Variants in TSHZ1 observed in about 807,000 individuals in gnomAD.
The protein encoded by TSHZ1 is teashirt zinc finger homeobox 1, also known as teashirt homolog 1.
TSHZ1 carries 12 observed loss-of-function variants against 67.1 expected under a neutral mutation model. That is an observed-to-expected ratio of 0.18 (90% confidence interval 0.11 to 0.29). The LOEUF (loss-of-function observed/expected upper bound fraction) is 0.29. Ranked by LOEUF, TSHZ1 falls within the 10% of genes least tolerant of loss-of-function variation. The probability of loss-of-function intolerance (pLI) is 1.00; values close to 1 mark genes in which losing one functional copy is unlikely to be tolerated. For synonymous variants in TSHZ1, 632 were observed against 622.4 expected (o/e 1.02, Z -0.23); for missense variants, 1,305 against 1,413.9 (o/e 0.92, Z 1.23).
chr18:75,225,744 T>G (rs1421233003), intron 1 of TSHZ1, among the ~76,000 whole-genome samples: 1 of 152,094 alleles, frequency 6.6e-6, no homozygotes, highest in Non-Finnish European at 1.5e-5. Context: ...TATATCTCGG[T>G]GGCGGGTTTT....
At chr18:75,217,378 A>G (rs1375028040) in intron 1 of TSHZ1, among the ~76,000 whole-genome samples, 2 of 151,440 alleles carry the variant, frequency 1.3e-5, no homozygotes, top group Non-Finnish European at 2.9e-5. Context: ...CCCCTCCTCC[A>G]AGGGTTTTTT....
chr18:75,235,794 G>T (rs376097207), intron 1 of TSHZ1, among the ~76,000 whole-genome samples: 2 of 152,156 alleles, frequency 1.3e-5, no homozygotes, highest in Non-Finnish European at 2.9e-5. Context: ...CATCTCAGCC[G>T]TCTCCTCCTC....
rs1461339256 is a variant in TSHZ1, at chr18:75,281,607, GGGTTGTGGAGAA to G, written c.41-3837_41-3826del. 6.6e-6 allele frequency among the ~76,000 whole-genome samples: 1 copy of G among 152,162 alleles called. No homozygotes were observed. The highest frequency in any genetic ancestry group is 6.5e-5 in the Admixed American group (1 of 15,286). The stretch of plus-strand genomic sequence containing the variant: ...ATGGCTGTGGTCGGCACAGGCCCTG[GGGTTGTGGAGAA>G]GGTGAGATTGGCCAGAGAGAGGCTG... On this transcript the variant is annotated intron_variant, in intron 1 of 1. Coordinates refer to ENST00000580243, the MANE Select transcript of TSHZ1 (RefSeq NM_001308210.2). This position sits in a 1 kb window ranked among gnomAD's most constrained non-coding sequence, Gnocchi z 5.3.
At chr18:75,248,659 C>T (rs2023253865) in intron 1 of TSHZ1, among the ~76,000 whole-genome samples, 2 of 152,154 alleles carry the variant, frequency 1.3e-5, no homozygotes, top group Admixed American at 1.3e-4. Flanking sequence ...AATTTTTCCC[C>T]TCATTTGGAA....
At position 75,211,739 on chromosome 18, in the gene TSHZ1, C is replaced by CGCCCGGA. The variant is rs1239019000; in HGVS notation, c.-125_-119dup. ...GAGCGGCTCCCCGCGGTCCGCGGCG[C>CGCCCGGA]GCCCGGAGCCCGGAGCCCGCGGGGA... On this transcript the variant is annotated 5_prime_UTR_variant, in exon 1 of 2. The change abolishes the stop of an existing upstream ORF in the 5' untranslated region. Transcript: ENST00000580243. The CGCCCGGA allele has an allele frequency of 5.2e-6, 2 of 383,892 alleles. No individual in the cohort carries two copies. Among genetic ancestry groups the CGCCCGGA allele is most frequent in the Non-Finnish European group, 3.5e-6 (1 of 283,210 alleles). 23.8% of individuals were successfully genotyped at this position (383,892 alleles called of 1,614,324 possible).
rs761158983 is a variant in TSHZ1, at chr18:75,286,181, G to A, written c.774G>A (p.Leu258=). 1.2e-6 allele frequency: 2 copies of A among 1,614,106 alleles called. No individual in the cohort carries two copies. Among genetic ancestry groups the A allele is most frequent in the Non-Finnish European group, 1.7e-6 (2 of 1,180,008 alleles). Reference sequence around the variant, plus strand: ...ACTGCAGTGCCGCGTACGACACGCTGGTGGAACTGACGGTGCACATGAACG... The same window carrying A: ...ACTGCAGTGCCGCGTACGACACGCTAGTGGAACTGACGGTGCACATGAACG... ...CKDCSAAYDT[L]VELTVHMNET... Residue 258 remains leucine (L), a synonymous_variant, in exon 2 of 2, where the codon CTG becomes CTA. Transcript: ENST00000580243. The surrounding 1 kb of genome is among the most constrained non-coding windows in gnomAD (Gnocchi z 5.1).
Position 75,286,964 on chromosome 18 carries a change from G to A in TSHZ1, c.1557G>A (p.Glu519=), listed in dbSNP as rs772291505. The A allele has an allele frequency of 6.2e-7, 1 of 1,614,038 alleles. No homozygotes were observed. Among genetic ancestry groups the A allele is most frequent in the Non-Finnish European group, 8.5e-7 (1 of 1,180,042 alleles). ...VAGDAEKIKE[E]SEDSLEKFEP... is the part of the protein sequence containing the mutation. ...GCGACGCGGAGAAGATCAAGGAGGA[G>A]AGTGAGGACAGCTTGGAGAAATTTG... The change falls in exon 2 of 2, where the codon GAG becomes GAA. Residue 519 remains glutamate, a synonymous_variant. Coordinates refer to ENST00000580243, the MANE Select transcript of TSHZ1 (RefSeq NM_001308210.2). This position sits in a 1 kb window ranked among gnomAD's most constrained non-coding sequence, Gnocchi z 5.1.
Position 75,287,959 on chromosome 18 carries a change from T to C in TSHZ1, c.2552T>C (p.Leu851Pro). The C allele has an allele frequency of 6.2e-7, 1 of 1,614,196 alleles. No homozygotes were observed. The highest frequency in any genetic ancestry group is 8.5e-7 in the Non-Finnish European group (1 of 1,180,046). ...ATGGTGAAAAACCTCACAGGCCGCC[T>C]GACGCCCAAGTCCTCCACGCCCTCC... is the stretch of plus-strand genomic sequence containing the variant. ...SDMVKNLTGR[L>P]TPKSSTPSTV... The change falls in exon 2 of 2, where the codon CTG becomes CCG. Residue 851 changes from leucine (L) to proline (P), a missense_variant. By Grantham distance (98) the Leu-to-Pro change is moderately conservative (BLOSUM62 -3). Around this residue, in one of 3 missense-constraint regions of TSHZ1, gnomAD observed 909 missense variants for 961.8 expected, o/e 0.95. Transcript: ENST00000580243. The surrounding 1 kb of genome is among the most constrained non-coding windows in gnomAD (Gnocchi z 5.0).
In TSHZ1 at chr18:75,281,515, C is replaced by CCTA. The variant is rs2023684587; in HGVS notation, c.41-3932_41-3931insTAC. ...TACATGGGGCCAGGCCCTGAAAGCA[C>CCTA]CATGGGGGTGGCATGACAGGCGTCC... On this transcript the variant is annotated intron_variant, in intron 1 of 1. Transcript: ENST00000580243. This position sits in a 1 kb window ranked among gnomAD's most constrained non-coding sequence, Gnocchi z 5.3. 6.6e-6 allele frequency among the ~76,000 whole-genome samples: 1 copy of CCTA among 152,048 alleles called. No individual in the cohort carries two copies. The highest frequency in any genetic ancestry group is 2.4e-5 in the African/African-American group (1 of 41,380).
In TSHZ1 at chr18:75,288,318, T is replaced by C; in HGVS notation, c.2911T>C (p.Phe971Leu). ...CCTGGACACAGGGCATCCTGTTTTC[T>C]TTTGCAACGATTGTGCCTCTCAGTT... ...KNLDTGHPVF[F>L]CNDCASQFRT... Residue 971 changes from phenylalanine to leucine, a missense_variant, in exon 2 of 2, where the codon TTT (phenylalanine) becomes CTT (leucine). Physicochemically the swap from Phe to Leu is conservative, Grantham distance 22. This residue lies in a region of TSHZ1 where 909 missense variants were observed against 961.8 expected (regional missense o/e 0.95). Transcript: ENST00000580243. The surrounding 1 kb of genome is among the most constrained non-coding windows in gnomAD (Gnocchi z 4.9). 1 of 1,614,222 alleles carries C rather than the reference T, an allele frequency of 6.2e-7. No individual in the cohort carries two copies. Among genetic ancestry groups the C allele is most frequent in the South Asian group, 1.1e-5 (1 of 91,082 alleles).
chr18:75,285,980 C>T lies in TSHZ1; in HGVS notation c.573C>T (p.Thr191=), dbSNP rs780157331. ...SSTSHSSTTS[T]SSSSGYDWHQ... ...CCAGCCACAGCAGTACCACCAGTAC[C>T]AGCAGCAGCTCCGGGTACGACTGGC... The change falls in exon 2 of 2, where the codon ACC becomes ACT. Residue 191 remains threonine, a synonymous_variant. Coordinates refer to ENST00000580243, the MANE Select transcript of TSHZ1 (RefSeq NM_001308210.2). 4 of 1,597,198 alleles carry T rather than the reference C, an allele frequency of 2.5e-6. No homozygotes were observed. The highest frequency in any genetic ancestry group is 1.7e-5 in the Admixed American group (1 of 58,146).
intron 1 of TSHZ1, among the ~76,000 whole-genome samples, chr18:75,223,848 G>A (rs1489892964): frequency 6.6e-6 from 1 of 151,980 alleles, no homozygotes; most frequent in African/African-American, 2.4e-5. Context: ...CCCCTTTATG[G>A]AGTGTTGGTA....
At chr18:75,277,519 G>A (rs1026347315) in intron 1 of TSHZ1, among the ~76,000 whole-genome samples, 2 of 152,144 alleles carry the variant, frequency 1.3e-5, no homozygotes, top group African/African-American at 2.4e-5. Flanking sequence ...GGCTTGGGAG[G>A]TGGGAGATCA....
chr18:75,258,490 C>G (rs2023390217), intron 1 of TSHZ1, among the ~76,000 whole-genome samples: 1 of 152,072 alleles, frequency 6.6e-6, no homozygotes, highest in Non-Finnish European at 1.5e-5. Context: ...AGAAACTAAG[C>G]TTTACAGGCC....
chr18:75,284,851 C>T (rs948436964), intron 1 of TSHZ1: 17 of 152,334 alleles, frequency 1.1e-4, no homozygotes, highest in African/African-American at 4.1e-4. Flanking sequence ...TGGTGAACAA[C>T]CGTGGCTTTT....
intron 1 of TSHZ1, among the ~76,000 whole-genome samples, chr18:75,273,943 C>A (rs891148084): frequency 3.3e-5 from 5 of 152,222 alleles, no homozygotes; most frequent in Non-Finnish European, 1.5e-5. Flanking sequence ...ACACTCACAC[C>A]TGTGTGCGCA....
In TSHZ1 at chr18:75,222,948, T is replaced by G. The variant is rs2022867911; in HGVS notation, c.40+11032T>G. ...AATCACCCTGTGAGCTAAATTTGTT[T>G]ATAGACATATTTGGAATGGAGGAGA... On this transcript the variant is annotated intron_variant, in intron 1 of 1. Coordinates refer to ENST00000580243, the MANE Select transcript of TSHZ1 (RefSeq NM_001308210.2). 2.6e-5 allele frequency among the ~76,000 whole-genome samples: 4 copies of G among 152,224 alleles called. No homozygotes were observed. In the South Asian group the frequency reaches 8.3e-4, roughly 32 times the overall value.
intron 1 of TSHZ1, chr18:75,280,906 G>T (rs2122612298): frequency 2.5e-6 from 2 of 800,076 alleles, no homozygotes; most frequent in Non-Finnish European, 3.0e-6. Flanking sequence ...TCCCTGGAGG[G>T]ATGAGGGAGG....
intron 1 of TSHZ1, among the ~76,000 whole-genome samples, chr18:75,254,003 G>A (rs542634790): frequency 3.5e-4 from 53 of 152,330 alleles, no homozygotes; most frequent in Non-Finnish European, 6.2e-4. Context: ...AGATCCTTTA[G>A]CCCCTGGCCT....
Sources: gnomAD v4.1 joint callset for allele counts (sites outside exome capture counted in the v4.1 genomes callset) on GRCh38, gnomAD v4.1.1 for gene constraint, gnomAD v4.1.1 regional missense constraint, Gnocchi (gnomAD v3.1) non-coding constraint, MANE v1.5 for transcripts, NCBI Gene and HGNC (gene_info 2026-07-23, HGNC 2026-07-21) for gene names.